TSC22D1: variants seen among roughly 807,000 people sequenced by gnomAD.
TSC22D1 encodes TSC22 domain family protein 1.
A neutral mutation model predicts 74.2 loss-of-function variants in TSC22D1; 9 were observed. The observed-to-expected ratio is 0.12, with a 90% CI of 0.07 to 0.21. The LOEUF (loss-of-function observed/expected upper bound fraction) is 0.21, where lower values mean the gene tolerates loss of function less well. TSC22D1 is among the 10% of genes least tolerant of loss of function. The pLI, the probability that TSC22D1 is intolerant of heterozygous loss-of-function variation, is 1.00. For missense variants in TSC22D1, 1,427 were observed against 1,304.7 expected, an observed-to-expected ratio of 1.09 and a Z score of -1.44; for synonymous variants, 586 against 492.5, an observed-to-expected ratio of 1.19 and a Z score of -2.51.
At chr13:44,551,395 T>TGTGGGG (rs1566169582) in intron 1 of TSC22D1, among the ~76,000 whole-genome samples, 4 of 122,548 alleles carry the variant, frequency 3.3e-5, no homozygotes, top group Non-Finnish European at 3.2e-5. Context: ...GATGGGTGTG[T>TGTGGGG]GTGTGTGTGT....
At position 44,498,094 on chromosome 13, in the gene TSC22D1, A is replaced by C. The variant is rs1046060087; in HGVS notation, c.2913-61999T>G. Among the ~76,000 whole-genome samples the C allele has an allele frequency of 7.1e-4, 106 of 149,290 alleles. 1 individual carries two copies. Among genetic ancestry groups the C allele is most frequent in the African/African-American group, 5.1e-4 (21 of 41,060 alleles). ...CTGGGCAACATGATAAAACCAAAAA[A>C]AAAACCAAAAAAAAAAATGTCTCCA... On this transcript the variant is annotated intron_variant, in intron 1 of 2. Transcript: ENST00000458659.
intron 1 of TSC22D1, among the ~76,000 whole-genome samples, chr13:44,487,761 C>A (rs994028598): frequency 6.6e-6 from 1 of 151,518 alleles, no homozygotes; most frequent in Non-Finnish European, 1.5e-5. Context: ...ACTAAAAGTA[C>A]AAAAACACTT....
At chr13:44,516,597 A>T in intron 1 of TSC22D1, among the ~76,000 whole-genome samples, 1 of 152,172 alleles carries the variant, frequency 6.6e-6, no homozygotes, top group East Asian at 1.9e-4. Flanking sequence ...GGGGGGAAAA[A>T]AAAGCAAACT....
intron 1 of TSC22D1, among the ~76,000 whole-genome samples, chr13:44,506,262 G>A (rs1879442098): frequency 6.6e-6 from 1 of 152,200 alleles, no homozygotes; most frequent in African/African-American, 2.4e-5. Flanking sequence ...GAACAGTTGA[G>A]TAGGAATTCT....
At position 44,483,895 on chromosome 13, in the gene TSC22D1, A is replaced by G. The variant is rs760326894; in HGVS notation, c.2913-47800T>C. 8.5e-4 allele frequency among the ~76,000 whole-genome samples: 129 copies of G among 152,282 alleles called. 3 individuals carry two copies. Among genetic ancestry groups the G allele is most frequent in the South Asian group, 3.9e-3 (19 of 4,818 alleles). ...ACCTAACAGTAGATGGCGCTAATAC[A>G]ACGTATCCTTTTCATTAAAAAATGG... On this transcript the variant is annotated intron_variant, in intron 1 of 2. Coordinates refer to ENST00000458659, the MANE Select transcript of TSC22D1 (RefSeq NM_183422.4).
intron 1 of TSC22D1, among the ~76,000 whole-genome samples, chr13:44,499,784 G>T (rs1487908089): frequency 6.6e-6 from 1 of 151,956 alleles, no homozygotes; most frequent in Non-Finnish European, 1.5e-5. Context: ...TTTGCAATTG[G>T]CTACTAAAAA....
chr13:44,519,182 T>G (rs1049911973), intron 1 of TSC22D1, among the ~76,000 whole-genome samples: 2 of 152,224 alleles, frequency 1.3e-5, no homozygotes, highest in African/African-American at 4.8e-5. Flanking sequence ...ATTGTGATCT[T>G]ATCTTTCATT....
At chr13:44,446,832 G>GGAGGAGGAAGAA (rs1875708283) in intron 1 of TSC22D1, among the ~76,000 whole-genome samples, 1 of 138,922 alleles carries the variant, frequency 7.2e-6, no homozygotes, top group African/African-American at 2.7e-5. Context: ...AGGAAGAAGA[G>GGAGGAGGAAGAA]GAGGAGGAAG....
intron 1 of TSC22D1, among the ~76,000 whole-genome samples, chr13:44,440,187 A>G (rs557023852): frequency 2.8e-4 from 43 of 152,380 alleles, no homozygotes; most frequent in African/African-American, 9.1e-4. Flanking sequence ...TGTCAAAACA[A>G]GAAGAAATGC....
intron 1 of TSC22D1, among the ~76,000 whole-genome samples, chr13:44,533,043 G>GT (rs1491227767): frequency 1.3e-5 from 2 of 151,596 alleles, no homozygotes; most frequent in Admixed American, 6.5e-5. Flanking sequence ...TATTAGAAAC[G>GT]TATGTGGTAT....
chr13:44,495,015 G>A (rs1878901149), intron 1 of TSC22D1, among the ~76,000 whole-genome samples: 2 of 152,134 alleles, frequency 1.3e-5, no homozygotes, highest in Non-Finnish European at 2.9e-5. Flanking sequence ...TGAGTAGGCA[G>A]AAGAAAGAAA....
At chr13:44,480,882 A>G (rs1185645787) in intron 1 of TSC22D1, among the ~76,000 whole-genome samples, 1 of 152,114 alleles carries the variant, frequency 6.6e-6, no homozygotes. Context: ...GGTCATAGAG[A>G]TTATGGGGGG....
chr13:44,474,325 C>G, intron 1 of TSC22D1: 2 of 975,786 alleles, frequency 2.0e-6, no homozygotes, highest in Non-Finnish European at 2.4e-6. Flanking sequence ...GGTGGACAAA[C>G]AAGTGCTTCA....
intron 1 of TSC22D1, among the ~76,000 whole-genome samples, chr13:44,447,024 CTT>C (rs1293977936): frequency 6.6e-6 from 1 of 152,060 alleles, no homozygotes; most frequent in African/African-American, 2.4e-5. Context: ...ATCTTCAGAA[CTT>C]TTTCATGTGC....
At chr13:44,456,194 C>G (rs537822252) in intron 1 of TSC22D1, among the ~76,000 whole-genome samples, 2 of 152,290 alleles carry the variant, frequency 1.3e-5, no homozygotes, top group African/African-American at 2.4e-5. Context: ...TGAGCAGCAG[C>G]AAGATTTATC....
intron 1 of TSC22D1, among the ~76,000 whole-genome samples, chr13:44,543,796 A>G (rs552236702): frequency 6.6e-5 from 10 of 152,374 alleles, no homozygotes; most frequent in African/African-American, 2.2e-4. Context: ...AAATTTATCA[A>G]AAGTATAACT....
chr13:44,437,984 G>C lies in TSC22D1; in HGVS notation c.2913-1889C>G, dbSNP rs151292357. Among the ~76,000 whole-genome samples the C allele has an allele frequency of 8.9e-4, 135 of 152,288 alleles. 1 individual carries two copies. The highest frequency in any genetic ancestry group is 3.1e-3 in the African/African-American group (129 of 41,554). On this transcript the variant is annotated intron_variant, in intron 1 of 2. Transcript: ENST00000458659. ...CTTCTCCAAACCAAAATCGAGAGAT[G>C]TGGGTATAAAATAGCTTAACCCTTT...
intron 1 of TSC22D1, among the ~76,000 whole-genome samples, chr13:44,565,433 A>G (rs145243630): frequency 6.9e-4 from 105 of 152,302 alleles, no homozygotes; most frequent in African/African-American, 2.4e-3. Flanking sequence ...ATTGACTGGT[A>G]AAGAAGAAAT....
chr13:44,486,461 T>A (rs897280054), intron 1 of TSC22D1, among the ~76,000 whole-genome samples: 2 of 152,162 alleles, frequency 1.3e-5, no homozygotes, highest in East Asian at 3.9e-4. Context: ...TAAACTTACA[T>A]GCACTGAATA....
Sources: gnomAD v4.1 joint callset for allele counts (sites outside exome capture counted in the v4.1 genomes callset) on GRCh38, gnomAD v4.1.1 for gene constraint, MANE v1.5 for transcripts, NCBI Gene and HGNC (gene_info 2026-07-23, HGNC 2026-07-21) for gene names.